Variants in OTUD7B observed in about 807,000 individuals in gnomAD.
The protein encoded by OTUD7B is OTU deubiquitinase 7B, also known as OTU domain-containing protein 7B.
OTUD7B carries 34 observed loss-of-function variants against 82.2 expected under a neutral mutation model. The ratio of observed to expected loss-of-function variants is 0.41; its 90% CI spans 0.31 to 0.55. OTUD7B has a LOEUF of 0.55. OTUD7B is among the 20% of genes least tolerant of loss of function. OTUD7B has a pLI of 0.20. For synonymous variants in OTUD7B, 398 were observed against 402.7 expected (o/e 0.99, Z 0.14); for missense variants, 944 against 1,062.1 (o/e 0.89, Z 1.55).
At chr1:149,950,791 T>C (rs587613153) in intron 7 of OTUD7B, among the ~76,000 whole-genome samples, 1 of 8,168 alleles carries the variant, frequency 1.2e-4, no homozygotes, top group African/African-American at 2.1e-4. Context: ...TGTTTTTTGT[T>C]TTTTTTTCTT....
At position 149,944,681 on chromosome 1, in the gene OTUD7B, C is replaced by G; in HGVS notation, c.1708G>C (p.Gly570Arg). ...KGGKEEAAGD[G>R]PVSEKPPAES... is the part of the protein sequence containing the mutation. ...GCTGGGGGCTTCTCAGACACAGGCC[C>G]ATCCCCAGCTGCCTCCTCCTTGCCA... The change falls in exon 12 of 12, where the codon GGG becomes CGG. Residue 570 changes from glycine (G) to arginine (R), a missense_variant. By Grantham distance (125) the Gly-to-Arg change is moderately radical. Around this residue, in one of 3 missense-constraint regions of OTUD7B, gnomAD observed 412 missense variants for 418.7 expected, o/e 0.98. Transcript: ENST00000581312. 5.6e-6 allele frequency: 9 copies of G among 1,613,900 alleles called. No individual in the cohort carries two copies. Among genetic ancestry groups the G allele is most frequent in the Non-Finnish European group, 7.6e-6 (9 of 1,180,024 alleles).
In OTUD7B at chr1:149,939,854, A is replaced by C. The variant is rs2092749509; in HGVS notation, c.*4003T>G. 6.6e-6 allele frequency: 1 copy of C among 152,042 alleles called. No homozygotes were observed. The allele number at this position is 152,042 out of a possible 1,614,324, so 9.4% of individuals were successfully genotyped here. A position where few individuals can be genotyped will look rare whatever the true frequency, so the allele number is the denominator to read the frequency against. On this transcript the variant is annotated 3_prime_UTR_variant, in exon 12 of 12. Transcript: ENST00000581312. Reference sequence around the variant, plus strand: ...TGAGACAGGAGAATCACTTGAACCCAGGAGACGGTGGTTGGAGTGAGCCGA... The same window carrying C: ...TGAGACAGGAGAATCACTTGAACCCCGGAGACGGTGGTTGGAGTGAGCCGA...
chr1:149,953,476 T>G (rs1374319095), intron 7 of OTUD7B, among the ~76,000 whole-genome samples: 1 of 152,228 alleles, frequency 6.6e-6, no homozygotes, highest in Non-Finnish European at 1.5e-5. Context: ...TGAAGTCAGG[T>G]AGCGTGATGC....
chr1:149,987,847 A>G (rs1364248660), intron 1 of OTUD7B, among the ~76,000 whole-genome samples: 1 of 152,128 alleles, frequency 6.6e-6, no homozygotes, highest in African/African-American at 2.4e-5. Flanking sequence ...GGTCTCTCAA[A>G]AATAACAGCA....
intron 1 of OTUD7B, among the ~76,000 whole-genome samples, chr1:150,004,833 T>C (rs985886160): frequency 2.6e-5 from 4 of 152,048 alleles, no homozygotes; most frequent in Admixed American, 6.6e-5. Flanking sequence ...CTTCATCCCT[T>C]GTACCTAATA....
the OTUD7B span, among the ~76,000 whole-genome samples, chr1:150,065,929 GAGTTAGTA>G: frequency 1.4e-5 from 2 of 147,848 alleles, no homozygotes; most frequent in African/African-American, 5.3e-5. Flanking sequence ...GAAATGGAAT[GAGTTAGTA>G]AGTGTCAAGT....
rs782614848 is a variant in OTUD7B, at chr1:149,944,085, G to C, written c.2304C>G (p.Pro768=). The C allele has an allele frequency of 1.9e-5, 30 of 1,613,912 alleles. 1 individual carries two copies. The South Asian group carries it at 3.1e-4, about 17-fold the overall frequency. The change falls in exon 12 of 12, where the codon CCC becomes CCG. Residue 768 remains proline, a synonymous_variant. Transcript: ENST00000581312. The part of the protein sequence containing the change: ...GLHRGALLPP[P]YRVADSYSNG... Reference sequence around the variant, plus strand: ...TGCTATAGGAATCAGCCACTCGGTAGGGGGGTGGTAACAAGGCACCCCTGT... The same window carrying C: ...TGCTATAGGAATCAGCCACTCGGTACGGGGGTGGTAACAAGGCACCCCTGT...
intron 1 of OTUD7B, among the ~76,000 whole-genome samples, chr1:150,001,856 G>A (rs1652310179): frequency 1.3e-5 from 2 of 152,162 alleles, no homozygotes. Context: ...CCTATCAATG[G>A]AAGGTATCCA....
At chr1:150,050,448 C>T in the OTUD7B span, 1 of 152,152 alleles carries the variant, frequency 6.6e-6, no homozygotes, top group African/African-American at 2.4e-5. Context: ...CAATTGCAGT[C>T]AGACATGAAT....
the OTUD7B span, among the ~76,000 whole-genome samples, chr1:150,058,739 T>C: frequency 6.6e-6 from 1 of 152,278 alleles, no homozygotes; most frequent in African/African-American, 2.4e-5. Flanking sequence ...AGATATGTCA[T>C]ACCACATTAA....
chr1:150,018,212 C>T, the OTUD7B span, among the ~76,000 whole-genome samples: 3 of 151,990 alleles, frequency 2.0e-5, no homozygotes, highest in South Asian at 2.1e-4. Flanking sequence ...TCCATGGATA[C>T]GAGTAAAGTA....
At chr1:150,001,502 A>G (rs1349938387) in intron 1 of OTUD7B, among the ~76,000 whole-genome samples, 1 of 152,182 alleles carries the variant, frequency 6.6e-6, no homozygotes, top group African/African-American at 2.4e-5. Context: ...CTCAAATCAG[A>G]TAGCAGAGGG....
the OTUD7B span, chr1:150,054,808 C>CACAAAAA: frequency 9.6e-5 from 4 of 41,712 alleles, no homozygotes; most frequent in African/African-American, 3.1e-4. Context: ...AACTCAGTCT[C>CACAAAAA]AAAAAAAAAA....
the OTUD7B span, among the ~76,000 whole-genome samples, chr1:150,038,096 C>T: frequency 1.3e-5 from 2 of 151,768 alleles, no homozygotes; most frequent in Non-Finnish European, 2.9e-5. Context: ...TGTGCTCAAG[C>T]AGTCCACCCG....
At chr1:150,033,121 T>A in the OTUD7B span, among the ~76,000 whole-genome samples, 1 of 152,228 alleles carries the variant, frequency 6.6e-6, no homozygotes, top group Non-Finnish European at 1.5e-5. Context: ...TTTGTTATAC[T>A]TATTTTCTAC....
At chr1:150,013,936 TA>T (rs1453177101), upstream of OTUD7B, among the ~76,000 whole-genome samples, 287 of 34,536 alleles carry the variant, frequency 8.3e-3, 4 homozygotes, top group African/African-American at 0.02. Context: ...AAAAAAAAAA[TA>T]ATATATATAT....
intron 1 of OTUD7B, among the ~76,000 whole-genome samples, chr1:149,981,116 GA>G (rs1478013657): frequency 3.3e-5 from 5 of 151,598 alleles, no homozygotes; most frequent in African/African-American, 1.2e-4. Flanking sequence ...AGAGGAGGAG[GA>G]GGGGGAGGGG....
At chr1:150,018,606 A>C in the OTUD7B span, among the ~76,000 whole-genome samples, 1 of 152,210 alleles carries the variant, frequency 6.6e-6, no homozygotes, top group Non-Finnish European at 1.5e-5. Flanking sequence ...CTAAGCACCC[A>C]CTATGTGTAA....
At chr1:149,962,253 T>G (rs1649209772) in intron 6 of OTUD7B, 1 of 152,102 alleles carries the variant, frequency 6.6e-6, no homozygotes, top group Non-Finnish European at 1.5e-5. Context: ...GCCTTAACAT[T>G]TAAGAAACTA....
Sources: allele counts gnomAD v4.1 joint callset (sites outside exome capture counted in the v4.1 genomes callset), GRCh38; gene constraint gnomAD v4.1.1; regional missense constraint gnomAD v4.1.1; transcripts MANE v1.5; gene names NCBI Gene and HGNC (gene_info 2026-07-23, HGNC 2026-07-21).